The following PWWP3B variants were observed in gnomAD, a reference collection of about 807,000 sequenced individuals.
The protein encoded by PWWP3B is PWWP domain containing 3B.
In PWWP3B, 5 loss-of-function variants were observed where a neutral mutation model predicts 15.7. The observed-to-expected ratio is 0.32, with a 90% CI of 0.17 to 0.67. The LOEUF (loss-of-function observed/expected upper bound fraction) is 0.67, where lower values mean the gene tolerates loss of function less well. PWWP3B is among the 30% of genes least tolerant of loss of function. The pLI is 0.74. For synonymous variants in PWWP3B, 203 were observed against 179.8 expected (o/e 1.13, Z -1.03); for missense variants, 519 against 493.1 (o/e 1.05, Z -0.50).
At chrX:106,193,912 G>A (rs1415633213) in intron 2 of PWWP3B, among the ~76,000 whole-genome samples, 4 of 112,386 alleles carry the variant, frequency 3.6e-5, no homozygotes, top group Non-Finnish European at 7.5e-5. Context: ...GAGATCAGCT[G>A]TTAGTCTGAT....
intron 2 of PWWP3B, among the ~76,000 whole-genome samples, chrX:106,186,442 G>A (rs1163782830): frequency 9.0e-6 from 1 of 111,315 alleles, no homozygotes; most frequent in Non-Finnish European, 1.9e-5. Flanking sequence ...CTTTTAATTG[G>A]CCAACAGGTG....
chrX:106,188,590 A>T (rs896299501), intron 2 of PWWP3B, among the ~76,000 whole-genome samples: 5 of 112,262 alleles, frequency 4.5e-5, no homozygotes, highest in African/African-American at 1.6e-4. Flanking sequence ...AGAAAAATGT[A>T]CCATCATGTA....
intron 2 of PWWP3B, among the ~76,000 whole-genome samples, chrX:106,189,431 C>T (rs1922735714): frequency 1.8e-5 from 2 of 108,705 alleles, no homozygotes; most frequent in South Asian, 8.2e-4. Context: ...CTTTCTGTGT[C>T]CATGTGTTCT....
At position 106,206,268 on chromosome X, in the gene PWWP3B, T is replaced by C. The variant is rs764310567; in HGVS notation, c.836T>C (p.Ile279Thr). The C allele has an allele frequency of 2.2e-5, 26 of 1,206,734 alleles. No homozygotes were observed. The highest frequency in any genetic ancestry group is 2.9e-5 in the Non-Finnish European group (26 of 892,631). ...PSECSAFSEN[I>T]EDPGEGPSNP... Reference sequence around the variant, plus strand: ...GAATGCTCTGCTTTCTCAGAGAATATTGAGGATCCTGGAGAGGGTCCCTCA... The same window carrying C: ...GAATGCTCTGCTTTCTCAGAGAATACTGAGGATCCTGGAGAGGGTCCCTCA... Residue 279 changes from isoleucine to threonine, a missense_variant, in exon 4 of 4, where the codon ATT becomes ACT. Coordinates refer to ENST00000357175, the MANE Select transcript of PWWP3B (RefSeq NM_001171020.2).
intron 2 of PWWP3B, among the ~76,000 whole-genome samples, chrX:106,190,157 C>A (rs1277061182): frequency 2.7e-5 from 3 of 111,376 alleles, no homozygotes; most frequent in African/African-American, 9.8e-5. Context: ...GACAGTCCCA[C>A]CAACAGTGTA....
intron 2 of PWWP3B, among the ~76,000 whole-genome samples, chrX:106,195,700 A>G (rs1224647773): frequency 2.7e-5 from 3 of 112,027 alleles, no homozygotes. Context: ...CTTAATTACC[A>G]TAGCCTTGAA....
intron 2 of PWWP3B, among the ~76,000 whole-genome samples, chrX:106,199,404 A>C (rs1248092519): frequency 8.9e-6 from 1 of 111,769 alleles, no homozygotes; most frequent in Non-Finnish European, 1.9e-5. Flanking sequence ...TAGTACTAGA[A>C]AAAAAGACTG....
chrX:106,179,190 A>T (rs150437597), intron 2 of PWWP3B, among the ~76,000 whole-genome samples: 26 of 112,255 alleles, frequency 2.3e-4, no homozygotes, highest in Non-Finnish European at 4.5e-4. Context: ...CACTCAAAAA[A>T]TTGTATATGT....
At chrX:106,177,698 T>A (rs1363720365) in intron 2 of PWWP3B, among the ~76,000 whole-genome samples, 1 of 112,333 alleles carries the variant, frequency 8.9e-6, no homozygotes, top group East Asian at 2.8e-4. Context: ...CACATTATTC[T>A]ACACAAAAAA....
In PWWP3B at chrX:106,195,704, C is replaced by T. The variant is rs1370866931; in HGVS notation, c.-400-8281C>T. On this transcript the variant is annotated intron_variant, in intron 2 of 3. Coordinates refer to ENST00000357175, the MANE Select transcript of PWWP3B (RefSeq NM_001171020.2). Reference sequence around the variant, plus strand: ...TAAGAAACTGTCTTAATTACCATAGCCTTGAAATCAGGTAGTATGAATCTT... The same window carrying T: ...TAAGAAACTGTCTTAATTACCATAGTCTTGAAATCAGGTAGTATGAATCTT... 6.3e-5 allele frequency among the ~76,000 whole-genome samples: 7 copies of T among 111,796 alleles called. No individual in the cohort carries two copies. The East Asian group carries it at 2.0e-3, about 31-fold the overall frequency.
intron 2 of PWWP3B, among the ~76,000 whole-genome samples, chrX:106,182,511 G>A (rs148987667): frequency 0.036 from 3,983 of 111,484 alleles, 175 homozygotes; most frequent in African/African-American, 0.12. Flanking sequence ...AGAACTGGTT[G>A]TGTATGTTAA....
intron 2 of PWWP3B, among the ~76,000 whole-genome samples, chrX:106,190,387 G>A (rs1340709929): frequency 9.0e-6 from 1 of 111,479 alleles, no homozygotes. Flanking sequence ...TTTTTGATGG[G>A]GTTGTTTGTT....
chrX:106,185,488 C>T (rs1324048969), intron 2 of PWWP3B, among the ~76,000 whole-genome samples: 2 of 111,394 alleles, frequency 1.8e-5, no homozygotes, highest in East Asian at 5.7e-4. Flanking sequence ...TAGTTGTGCT[C>T]ACCAGTGCAG....
At chrX:106,195,834 C>G (rs767347488) in intron 2 of PWWP3B, among the ~76,000 whole-genome samples, 180 of 111,912 alleles carry the variant, frequency 1.6e-3, no homozygotes, top group African/African-American at 5.6e-3. Context: ...GAAAAACCTA[C>G]TGGGATTTTG....
chrX:106,186,563 A>G (rs1456139298), intron 2 of PWWP3B, among the ~76,000 whole-genome samples: 1 of 111,442 alleles, frequency 9.0e-6, no homozygotes, highest in Non-Finnish European at 1.9e-5. Flanking sequence ...CGTGTTTGCC[A>G]AGATGTGTCC....
intron 2 of PWWP3B, among the ~76,000 whole-genome samples, chrX:106,180,296 T>C (rs1284118683): frequency 9.0e-6 from 1 of 111,724 alleles, no homozygotes; most frequent in Non-Finnish European, 1.9e-5. Flanking sequence ...TCCTTAGATG[T>C]AATAACTATA....
chrX:106,170,185 A>G (rs898954149), intron 1 of PWWP3B, among the ~76,000 whole-genome samples: 66 of 112,049 alleles, frequency 5.9e-4, no homozygotes, highest in African/African-American at 2.1e-3. Context: ...GAAAATAATT[A>G]TTGATATGGA....
chrX:106,189,540 C>T (rs1922747745), intron 2 of PWWP3B, among the ~76,000 whole-genome samples: 1 of 110,902 alleles, frequency 9.0e-6, no homozygotes, highest in Non-Finnish European at 1.9e-5. Flanking sequence ...TCATCCATGT[C>T]CCTACAAAGG....
chrX:106,168,641 T>C (rs2147574429), intron 1 of PWWP3B, among the ~76,000 whole-genome samples: 1 of 112,680 alleles, frequency 8.9e-6, no homozygotes, highest in South Asian at 3.7e-4. Flanking sequence ...GCATTTTATG[T>C]TTCCATCAAA....
Sources: allele counts gnomAD v4.1 joint callset (sites outside exome capture counted in the v4.1 genomes callset), GRCh38; gene constraint gnomAD v4.1.1; transcripts MANE v1.5; gene names NCBI Gene and HGNC (gene_info 2026-07-23, HGNC 2026-07-21).